TP73: variants seen among roughly 807,000 people sequenced by gnomAD.
The protein encoded by TP73 is p53-like transcription factor.
Under a neutral mutation model 62.5 loss-of-function variants are expected in TP73, and 25 were observed. The ratio of observed to expected loss-of-function variants is 0.40; its 90% CI spans 0.29 to 0.56. The LOEUF (loss-of-function observed/expected upper bound fraction) is 0.56, where lower values mean the gene tolerates loss of function less well. Among genes scored for constraint, TP73 ranks in the 20% least tolerant of loss-of-function variants. The pLI is 0.46. For synonymous variants in TP73, 423 were observed against 377.5 expected, an observed-to-expected ratio of 1.12 and a Z score of -1.40; for missense variants, 754 against 913.3, an observed-to-expected ratio of 0.83 and a Z score of 2.25.
intron 4 of TP73, 141 bp downstream of exon 4, chr1:3,707,932 C>T: frequency 7.3e-7 from 1 of 1,376,558 alleles, no homozygotes; most frequent in Non-Finnish European, 9.7e-7. Context: ...CCAGGAGGAG[C>T]ATCGGGCAGG....
chr1:3,724,089 G>A (rs1387880074), intron 6 of TP73, among the ~76,000 whole-genome samples: 1 of 151,416 alleles, frequency 6.6e-6, no homozygotes, highest in Non-Finnish European at 1.5e-5. Flanking sequence ...ACACGGAGAG[G>A]CTGGGGGCTT....
rs1387004155 is a variant in TP73 at position 3,663,806 on chromosome 1, G to T, written c.-34+11165G>T. On this transcript the variant is annotated intron_variant, in intron 1 of 13. Transcript: ENST00000378295. This position sits in a 1 kb window ranked among gnomAD's most constrained non-coding sequence, Gnocchi z 4.7. ...TCTTCTGGGTCTAGGGCACATGAGG[G>T]TCTGTGACCTAATTCAGAGGAAGGC... 6.6e-6 allele frequency among the ~76,000 whole-genome samples: 1 copy of T among 152,184 alleles called. No individual in the cohort carries two copies. Among genetic ancestry groups the T allele is most frequent in the Non-Finnish European group, 1.5e-5 (1 of 68,024 alleles).
At chr1:3,721,432 G>T (rs1340494618) in intron 4 of TP73, among the ~76,000 whole-genome samples, 2 of 152,234 alleles carry the variant, frequency 1.3e-5, no homozygotes, top group African/African-American at 4.8e-5. Context: ...AGGAGAGGGT[G>T]TCAGAGTCAC....
chr1:3,685,421 G>A (rs969540947), intron 3 of TP73, among the ~76,000 whole-genome samples: 2 of 152,224 alleles, frequency 1.3e-5, no homozygotes, highest in Admixed American at 1.3e-4. Flanking sequence ...TCCTCCCAAA[G>A]CCATGTATGA....
rs548791778 is a variant in TP73, at chr1:3,728,052, G to A, written c.986-77G>A. On this transcript the variant is annotated intron_variant, in intron 8 of 13. Transcript: ENST00000378295. ...ATCGATTGGCCCCAAGGGTGGGGCAGGTCTCCCTCCTCCCGGAAGGAGGCC... is the reference window on the plus strand; with the variant it reads ...ATCGATTGGCCCCAAGGGTGGGGCAAGTCTCCCTCCTCCCGGAAGGAGGCC... 49 of 1,437,818 alleles carry A rather than the reference G, an allele frequency of 3.4e-5. No individual in the cohort carries two copies. In the South Asian group the frequency reaches 5.8e-4, roughly 17 times the overall value. The allele number at this position is 1,437,818 out of a possible 1,614,324, so 89.1% of individuals were successfully genotyped here.
chr1:3,673,265 C>G (rs1463714955), intron 1 of TP73, among the ~76,000 whole-genome samples: 1 of 152,186 alleles, frequency 6.6e-6, no homozygotes, highest in Non-Finnish European at 1.5e-5. Context: ...GAGCCAGGGA[C>G]CCGGCAGCCA....
rs138505844 is a variant in TP73, at chr1:3,682,869, G to T, written c.66-191G>T. ...AATAACAGAGCCCATGACTGGCTCTGCCTCTCTGGCACTCACAGCAGCCCT... is the reference window on the plus strand; with the variant it reads ...AATAACAGAGCCCATGACTGGCTCTTCCTCTCTGGCACTCACAGCAGCCCT... On this transcript the variant is annotated intron_variant, in intron 2 of 13. Transcript: ENST00000378295. Among the ~76,000 whole-genome samples the T allele has an allele frequency of 4.8e-4, 73 of 152,332 alleles. 1 individual carries two copies. The highest frequency in any genetic ancestry group is 7.4e-4 in the Non-Finnish European group (50 of 68,024).
At chr1:3,694,871 G>GA (rs1638474878) in intron 3 of TP73, among the ~76,000 whole-genome samples, 1 of 108,014 alleles carries the variant, frequency 9.3e-6, no homozygotes, top group Non-Finnish European at 2.1e-5. Context: ...TGCAGCCTCA[G>GA]CCCCTCCTCC....
Position 3,682,404 on chromosome 1 carries a change from C to A in TP73, c.39C>A (p.Thr13=). The change falls in exon 2 of 14, where the codon ACC becomes ACA. Residue 13 remains threonine (T), a synonymous_variant. Transcript: ENST00000378295. ...CCGCCACCTCCCCTGATGGGGGCAC[C>A]ACGTTTGAGCACCTCTGGAGCTCTC... ...QSTATSPDGG[T]TFEHLWSSLE... is the part of the protein sequence containing the mutation. 6.4e-7 allele frequency: 1 copy of A among 1,564,166 alleles called. No homozygotes were observed.
At position 3,677,690 on chromosome 1, in the gene TP73, C is replaced by CT. The variant is rs1196146698; in HGVS notation, c.-33-4623dup. Among the ~76,000 whole-genome samples, 453 of 137,044 alleles carry CT rather than the reference C, an allele frequency of 3.3e-3. 8 individuals are homozygous for CT. The highest frequency in any genetic ancestry group is 0.03 in the East Asian group (145 of 4,882). 89.9% of individuals were successfully genotyped at this position (137,044 alleles called of 152,430 possible). A position where few individuals can be genotyped will look rare whatever the true frequency, so the allele number is the denominator to read the frequency against. ...TCATTTATTTCATTTCCTTCCTTCC[C>CT]TTTTTTTTTTTTTTTTTTTTAGAGT... On this transcript the variant is annotated intron_variant, in intron 1 of 13. Transcript: ENST00000378295.
Position 3,720,931 on chromosome 1 carries a change from C to T in TP73, c.430-1090C>T, listed in dbSNP as rs971586530. ...GATGGGACATTCTCCAGGGCACTTGCGGCTGCAGTGACTTGTGATTCTGAG... is the reference window on the plus strand; with the variant it reads ...GATGGGACATTCTCCAGGGCACTTGTGGCTGCAGTGACTTGTGATTCTGAG... On this transcript the variant is annotated intron_variant, in intron 4 of 13. Coordinates refer to ENST00000378295, the MANE Select transcript of TP73 (RefSeq NM_005427.4). Among the ~76,000 whole-genome samples, 16 of 152,204 alleles carry T rather than the reference C, an allele frequency of 1.1e-4. No homozygotes were observed. In the South Asian group the frequency reaches 2.3e-3, roughly 22 times the overall value.
intron 4 of TP73, among the ~76,000 whole-genome samples, chr1:3,709,104 C>T (rs548121879): frequency 7.2e-5 from 11 of 152,320 alleles, no homozygotes; most frequent in South Asian, 6.2e-4. Context: ...TGCAGGTAGC[C>T]GGACAGTCCT....
chr1:3,681,080 G>A (rs1191145435), intron 1 of TP73, among the ~76,000 whole-genome samples: 1 of 152,224 alleles, frequency 6.6e-6, no homozygotes, highest in East Asian at 1.9e-4. Context: ...GGCCATCATG[G>A]CTCACGGACC....
chr1:3,704,150 T>A (rs111345277), intron 3 of TP73, among the ~76,000 whole-genome samples: 3,409 of 152,336 alleles, frequency 0.022, 128 homozygotes, highest in African/African-American at 0.078. Context: ...GAGCACGGAC[T>A]GAGGGTGTCG....
chr1:3,723,615 G>A, intron 6 of TP73, 146 bp downstream of exon 6: 2 of 668,108 alleles, frequency 3.0e-6, no homozygotes, highest in South Asian at 3.5e-5. Context: ...TCCCTGCTCT[G>A]TGATAAGTCT....
In TP73 at chr1:3,727,197, T is replaced by A; in HGVS notation, c.815T>A (p.Leu272His). The change falls in exon 7 of 14, where the codon CTC (leucine) becomes CAC (histidine). Residue 272 changes from leucine (L) to histidine (H), a missense_variant. By Grantham distance (99) the Leu-to-His change is moderately conservative. Around this residue, in one of 3 missense-constraint regions of TP73, gnomAD observed 458 missense variants for 528.7 expected, o/e 0.87. Coordinates refer to ENST00000378295, the MANE Select transcript of TP73 (RefSeq NM_005427.4). ...CVGGMNRRPI[L>H]IIITLEMRDG... ...GGGGGCATGAACCGGCGGCCCATCCTCATCATCATCACCCTGGAGATGCGG... is the reference window on the plus strand; with the variant it reads ...GGGGGCATGAACCGGCGGCCCATCCACATCATCATCACCCTGGAGATGCGG... 1 of 1,611,998 alleles carries A rather than the reference T, an allele frequency of 6.2e-7. No homozygotes were observed. The highest frequency in any genetic ancestry group is 1.1e-5 in the South Asian group (1 of 91,072).
chr1:3,677,771 G>A (rs142987281), intron 1 of TP73, among the ~76,000 whole-genome samples: 3,090 of 147,032 alleles, frequency 0.021, 101 homozygotes, highest in African/African-American at 0.072. Context: ...ATGGCTCACT[G>A]CAGCCTCGAG....
rs118172687 is a variant in TP73 at position 3,657,935 on chromosome 1, G to A, written c.-34+5294G>A. 9.1e-3 allele frequency among the ~76,000 whole-genome samples: 1,383 copies of A among 152,294 alleles called. 27 individuals carry two copies. The highest frequency in any genetic ancestry group is 0.084 in the East Asian group (434 of 5,166). ...GAGGTATTGAACAAGAAGCCCCACC[G>A]GGAGAGGCGAGACCCGGGCCCCAGC... On this transcript the variant is annotated intron_variant, in intron 1 of 13. Transcript: ENST00000378295.
In TP73 at chr1:3,713,626, G is replaced by A. The variant is rs116957586; in HGVS notation, c.429+5835G>A. On this transcript the variant is annotated intron_variant, in intron 4 of 13. Transcript: ENST00000378295. Reference sequence around the variant, plus strand: ...TTGAAGCCACGGACCCTGGAGACCCGGACCCTGGAGGCCCAGCCCCTGCCT... The same window carrying A: ...TTGAAGCCACGGACCCTGGAGACCCAGACCCTGGAGGCCCAGCCCCTGCCT... 8.9e-4 allele frequency among the ~76,000 whole-genome samples: 135 copies of A among 152,272 alleles called. 5 individuals are homozygous for A. In the South Asian group the frequency reaches 0.02, roughly 22 times the overall value.
Sources: allele counts gnomAD v4.1 joint callset (sites outside exome capture counted in the v4.1 genomes callset), GRCh38; gene constraint gnomAD v4.1.1; regional missense constraint gnomAD v4.1.1; non-coding constraint Gnocchi (gnomAD v3.1); transcripts MANE v1.5; gene names NCBI Gene and HGNC (gene_info 2026-07-23, HGNC 2026-07-21).